TMBIM1: variants seen among roughly 807,000 people sequenced by gnomAD.
The protein encoded by TMBIM1 is transmembrane BAX inhibitor motif containing 1.
In TMBIM1, 34 loss-of-function variants were observed where a neutral mutation model predicts 45.1. The ratio of observed to expected loss-of-function variants is 0.75; its 90% CI spans 0.57 to 1.00. The LOEUF (loss-of-function observed/expected upper bound fraction) is 1.00, where lower values mean the gene tolerates loss of function less well. Among genes scored for constraint, TMBIM1 ranks in the 50% least tolerant of loss-of-function variants. TMBIM1 has a pLI of 0.00. For missense variants in TMBIM1, 374 were observed against 402.4 expected (o/e 0.93, Z 0.60); for synonymous variants, 157 against 153.5 (o/e 1.02, Z -0.17).
intron 2 of TMBIM1, 63 bp from the exon 3 acceptor site, chr2:218,280,189 C>G: frequency 8.3e-7 from 1 of 1,198,292 alleles, no homozygotes; most frequent in Non-Finnish European, 1.2e-6. Flanking sequence ...ATCCCAAAGC[C>G]TCCCTGACAA....
chr2:218,280,264 T>C, intron 2 of TMBIM1, 138 bp from the exon 3 acceptor site: 2 of 669,276 alleles, frequency 3.0e-6, no homozygotes, highest in Non-Finnish European at 2.6e-6. Context: ...TCTCCCAAGC[T>C]GGGGTCTTCT....
intron 1 of TMBIM1, among the ~76,000 whole-genome samples, chr2:218,291,557 A>G (rs1428170823): frequency 6.6e-6 from 1 of 152,102 alleles, no homozygotes; most frequent in East Asian, 1.9e-4. Flanking sequence ...CTCAGGTAGA[A>G]CCCCAAACTC....
intron 7 of TMBIM1, 124 bp from the exon 8 acceptor site, chr2:218,277,794 A>G: frequency 3.2e-6 from 5 of 1,543,548 alleles, no homozygotes; most frequent in Non-Finnish European, 4.5e-6. Flanking sequence ...AGAGGCAGCC[A>G]CAGAGGAGAT....
chr2:218,276,928 C>A lies in TMBIM1; in HGVS notation c.735+76G>T, dbSNP rs369768432. On this transcript the variant is annotated intron_variant, in intron 10 of 11. Coordinates refer to ENST00000258412, the MANE Select transcript of TMBIM1 (RefSeq NM_022152.6). ...GAGCCTGCCCCGGGGACCTTTGGGG[C>A]CTGCGAGACCATGCTATATAGGAAG... 9.5e-6 allele frequency: 12 copies of A among 1,265,580 alleles called. No homozygotes were observed. In the African/African-American group the frequency reaches 1.3e-4, roughly 14 times the overall value. The allele number at this position is 1,265,580 out of a possible 1,614,324, so 78.4% of individuals were successfully genotyped here. A position where few individuals can be genotyped will look rare whatever the true frequency, so the allele number is the denominator to read the frequency against.
intron 1 of TMBIM1, among the ~76,000 whole-genome samples, chr2:218,288,699 A>C (rs1193167039): frequency 6.6e-6 from 1 of 152,194 alleles, no homozygotes; most frequent in Non-Finnish European, 1.5e-5. Context: ...AAAATCCAAA[A>C]TCCATGTGCT....
At chr2:218,286,508 C>T (rs951215342) in intron 1 of TMBIM1, 7 of 152,292 alleles carry the variant, frequency 4.6e-5, no homozygotes, top group African/African-American at 1.7e-4. Flanking sequence ...GCCCCAGTCC[C>T]CCATTAGGAA....
At position 218,275,265 on chromosome 2, in the gene TMBIM1, G is replaced by T; in HGVS notation, c.*210C>A. 1 of 528,274 alleles carries T rather than the reference G, an allele frequency of 1.9e-6. No homozygotes were observed. Among genetic ancestry groups the T allele is most frequent in the Non-Finnish European group, 3.1e-6 (1 of 320,878 alleles). 32.7% of individuals were successfully genotyped at this position (528,274 alleles called of 1,614,324 possible). A position where few individuals can be genotyped will look rare whatever the true frequency, so the allele number is the denominator to read the frequency against. On this transcript the variant is annotated 3_prime_UTR_variant, in exon 12 of 12. Coordinates refer to ENST00000258412, the MANE Select transcript of TMBIM1 (RefSeq NM_022152.6). ...GCCTAGTCCCTGCCAAGCCCACCAA[G>T]AGCAACAGTTAGTCCCTAGCTCCTC...
intron 6 of TMBIM1, 109 bp from the exon 7 acceptor site, chr2:218,278,083 G>T: frequency 7.7e-7 from 1 of 1,298,016 alleles, no homozygotes; most frequent in Non-Finnish European, 1.1e-6. Context: ...ATTAAGCCTT[G>T]ACTCCAAGGA....
rs566090461 is a variant in TMBIM1, at chr2:218,291,082, C to T, written c.-41+1384G>A. On this transcript the variant is annotated intron_variant, in intron 1 of 11. Coordinates refer to ENST00000258412, the MANE Select transcript of TMBIM1 (RefSeq NM_022152.6). The stretch of plus-strand genomic sequence containing the variant: ...AGGTAGACAGCGTCTGGCTGAGGCA[C>T]CCATTCCCAGGGGAGGAGGCTGAGC... Among the ~76,000 whole-genome samples the T allele has an allele frequency of 1.1e-4, 17 of 152,280 alleles. No individual in the cohort carries two copies. In the East Asian group the frequency reaches 3.3e-3, roughly 29 times the overall value.
chr2:218,275,718 C>T, intron 11 of TMBIM1, 97 bp from the exon 12 acceptor site: 3 of 1,432,012 alleles, frequency 2.1e-6, no homozygotes, highest in Non-Finnish European at 9.5e-7. Flanking sequence ...ATGCGCCACA[C>T]AGTGCTTAGG....
rs183015933 is a variant in TMBIM1 at position 218,278,561 on chromosome 2, C to A, written c.427G>T (p.Val143Phe). ...NVAVYYVSYA[V>F]FVVTYLILAC... is the part of the protein sequence containing the mutation. ...AGGATCAGGTAGGTGACAACGAAGA[C>A]AGCACTAGGGACAAAGAGATGGGGA... Residue 143 changes from valine to phenylalanine, a missense_variant, in exon 6 of 12, where the codon GTC becomes TTC. Transcript: ENST00000258412. 16 of 1,614,156 alleles carry A rather than the reference C, an allele frequency of 9.9e-6. No homozygotes were observed. The highest frequency in any genetic ancestry group is 3.3e-5 in the Admixed American group (2 of 60,016).
Position 218,278,652 on chromosome 2 carries a change from T to C in TMBIM1, c.423-87A>G, listed in dbSNP as rs988397806. The C allele has an allele frequency of 1.2e-5, 18 of 1,460,636 alleles. No homozygotes were observed. In the African/African-American group the frequency reaches 2.1e-4, roughly 17 times the overall value. 90.5% of individuals were successfully genotyped at this position (1,460,636 alleles called of 1,614,324 possible). A position where few individuals can be genotyped will look rare whatever the true frequency, so the allele number is the denominator to read the frequency against. ...CCAGGCCAGTGATTTGGGGCCCAAA[T>C]AGCCGTTTGGAAGTCTGAGGGGAAG... is the stretch of plus-strand genomic sequence containing the variant. On this transcript the variant is annotated intron_variant, in intron 5 of 11. Coordinates refer to ENST00000258412, the MANE Select transcript of TMBIM1 (RefSeq NM_022152.6).
At chr2:218,276,150 C>T in intron 10 of TMBIM1, 71 bp from the exon 11 acceptor site, 1 of 1,540,570 alleles carries the variant, frequency 6.5e-7, no homozygotes, top group Non-Finnish European at 8.9e-7. Context: ...CCCCAGCTTC[C>T]CCCGGGATAG....
chr2:218,283,803 T>C lies in TMBIM1; in HGVS notation c.-40-1622A>G, dbSNP rs117141557. 4.1e-4 allele frequency among the ~76,000 whole-genome samples: 63 copies of C among 152,192 alleles called. 2 individuals carry two copies. In the South Asian group the frequency reaches 7.3e-3, roughly 18 times the overall value. On this transcript the variant is annotated intron_variant, in intron 1 of 11. Transcript: ENST00000258412. ...AAAGTCCAGGTCTCTAAGTGGGTTA[T>C]TTTGAGGAAAGCTGTTCTTCATCTC...
intron 1 of TMBIM1, among the ~76,000 whole-genome samples, chr2:218,283,413 GTGGT>G (rs1692226496): frequency 2.0e-5 from 3 of 152,192 alleles, no homozygotes; most frequent in Non-Finnish European, 2.9e-5. Context: ...TCTGGGCCTG[GTGGT>G]CCCCTCTGAG....
chr2:218,290,690 G>A (rs1692875753), intron 1 of TMBIM1, among the ~76,000 whole-genome samples: 2 of 152,190 alleles, frequency 1.3e-5, no homozygotes, highest in South Asian at 2.1e-4. Context: ...ACAAAAGTGG[G>A]AGCTCATTAA....
intron 6 of TMBIM1, 106 bp downstream of exon 6, chr2:218,278,409 G>GT (rs1691484075): frequency 8.5e-7 from 1 of 1,182,776 alleles, no homozygotes; most frequent in Non-Finnish European, 1.3e-6. Flanking sequence ...CTCATTTCTT[G>GT]TAAGTTTCCA....
chr2:218,292,123 G>C (rs1692968220), intron 1 of TMBIM1, among the ~76,000 whole-genome samples: 1 of 152,212 alleles, frequency 6.6e-6, no homozygotes, highest in Non-Finnish European at 1.5e-5. Context: ...TGGCATGGTG[G>C]ATAGGCCCTG....
At chr2:218,291,103 T>C (rs1430432905) in intron 1 of TMBIM1, among the ~76,000 whole-genome samples, 1 of 152,172 alleles carries the variant, frequency 6.6e-6, no homozygotes. Flanking sequence ...GGGAGGAGGC[T>C]GAGCCCAGGT....
Sources: gnomAD v4.1 joint callset for allele counts (sites outside exome capture counted in the v4.1 genomes callset) on GRCh38, gnomAD v4.1.1 for gene constraint, MANE v1.5 for transcripts, NCBI Gene and HGNC (gene_info 2026-07-23, HGNC 2026-07-21) for gene names.